Variants in PRSS36 observed in about 807,000 individuals in gnomAD.
The protein encoded by PRSS36 is serine protease 36, also known as polyserase-2.
Under a neutral mutation model 94.3 loss-of-function variants are expected in PRSS36, and 90 were observed. That is an observed-to-expected ratio of 0.95 (90% CI 0.80 to 1.14). PRSS36 has a LOEUF of 1.14. Among genes scored for constraint, PRSS36 ranks in the 50% most tolerant of loss-of-function variants. PRSS36 has a pLI of 0.00. For synonymous variants in PRSS36, 500 were observed against 489.6 expected, an observed-to-expected ratio of 1.02 and a Z score of -0.28; for missense variants, 1,158 against 1,135.0, an observed-to-expected ratio of 1.02 and a Z score of -0.29.
chr16:31,149,177 G>T lies in PRSS36; in HGVS notation c.168C>A (p.Gly56=). The part of the protein sequence containing the change: ...RIVGGSNAQP[G]TWPWQVSLHH... ...GCAGGCTCACTTGCCAAGGCCAGGT[G>T]CCCGGCTGCGCGTTTGAGCCCCCCA... Residue 56 remains glycine (G), a synonymous_variant, in exon 4 of 15, where the codon GGC becomes GGA. Transcript: ENST00000268281. The T allele has an allele frequency of 3.8e-6, 6 of 1,572,126 alleles. No homozygotes were observed. The highest frequency in any genetic ancestry group is 5.2e-6 in the Non-Finnish European group (6 of 1,159,618).
chr16:31,139,379 T>C lies in PRSS36; in HGVS notation c.2327A>G (p.Glu776Gly), dbSNP rs778045590. Residue 776 changes from glutamate (E) to glycine (G), a missense_variant, in exon 15 of 15, where the codon GAA becomes GGA. Transcript: ENST00000268281. ...SAPPLLCQMT[E>G]GSWILVGMAV... ...CATGCCCACGAGGATCCAGGACCCT[T>C]CCGTCATCTGGCACAGGAGGGGCGG... 4.3e-6 allele frequency: 7 copies of C among 1,613,950 alleles called. No individual in the cohort carries two copies. Among genetic ancestry groups the C allele is most frequent in the Non-Finnish European group, 5.9e-6 (7 of 1,179,986 alleles).
intron 6 of PRSS36, among the ~76,000 whole-genome samples, 156 bp downstream of exon 6, chr16:31,145,633 T>C (rs1237531593): frequency 6.6e-6 from 1 of 152,188 alleles, no homozygotes. Context: ...AGTGAGGCTC[T>C]GTCTCAAAAT....
chr16:31,142,445 G>T (rs1404784820), intron 10 of PRSS36, 36 bp downstream of exon 10: 2 of 1,414,818 alleles, frequency 1.4e-6, no homozygotes, highest in Non-Finnish European at 1.8e-6. Context: ...AGCCCTCTCG[G>T]GCCCGCGTTC....
At position 31,142,724 on chromosome 16, in the gene PRSS36, G is replaced by A; in HGVS notation, c.1357+13C>T. 2 of 1,359,846 alleles carry A rather than the reference G, an allele frequency of 1.5e-6. No homozygotes were observed. The highest frequency in any genetic ancestry group is 1.9e-6 in the Non-Finnish European group (2 of 1,055,136). 84.2% of individuals were successfully genotyped at this position (1,359,846 alleles called of 1,614,324 possible). On this transcript the variant is annotated intron_variant, in intron 9 of 14. Coordinates refer to ENST00000268281, the MANE Select transcript of PRSS36 (RefSeq NM_173502.5). ...CCCGGTGCCGCCCGGCCCAGCGCCGGTCCCCAGCTCACCCCCGCGGCCCCA... is the reference window on the plus strand; with the variant it reads ...CCCGGTGCCGCCCGGCCCAGCGCCGATCCCCAGCTCACCCCCGCGGCCCCA...
In PRSS36 at chr16:31,141,450, G is replaced by GA. The variant is rs2057687125; in HGVS notation, c.1901+18_1901+19insT. 1 of 1,590,272 alleles carries GA rather than the reference G, an allele frequency of 6.3e-7. No individual in the cohort carries two copies. The highest frequency in any genetic ancestry group is 8.6e-7 in the Non-Finnish European group (1 of 1,166,610). ...ATTCTCCCCTCCCGTCTCTCGCCTA[G>GA]GAGACGAGTGAGACCCACCTGAGGA... On this transcript the variant is annotated intron_variant, in intron 12 of 14. Coordinates refer to ENST00000268281, the MANE Select transcript of PRSS36 (RefSeq NM_173502.5).
rs2057689803 is a variant in PRSS36, at chr16:31,141,541, G to A, written c.1829C>T (p.Ala610Val). ...LWPWLAEVHV[A>V]GDRVCTGILL... ...GATCCCAGTGCAGACTCGATCACCA[G>A]CCACATGCACCTCTGCCAGCCAGGG... Residue 610 changes from alanine to valine, a missense_variant, in exon 12 of 15, where the codon GCT becomes GTT. By Grantham distance (64) the Ala-to-Val change is moderately conservative. Coordinates refer to ENST00000268281, the MANE Select transcript of PRSS36 (RefSeq NM_173502.5). The A allele has an allele frequency of 1.2e-6, 2 of 1,613,204 alleles. No individual in the cohort carries two copies. The highest frequency in any genetic ancestry group is 1.7e-5 in the Admixed American group (1 of 59,998).
At position 31,140,773 on chromosome 16, in the gene PRSS36, C is replaced by A; in HGVS notation, c.1902-16G>T. 6.2e-7 allele frequency: 1 copy of A among 1,612,662 alleles called. No individual in the cohort carries two copies. The highest frequency in any genetic ancestry group is 1.1e-5 in the South Asian group (1 of 90,966). Reference sequence around the variant, plus strand: ...AGAGCCTGGCCTGTTGGAACAAGGTCCAATGTCACCTTCTGCTCCTCCCAT... The same window carrying A: ...AGAGCCTGGCCTGTTGGAACAAGGTACAATGTCACCTTCTGCTCCTCCCAT... On this transcript the variant is annotated splice_polypyrimidine_tract_variant and intron_variant, in intron 12 of 14. Coordinates refer to ENST00000268281, the MANE Select transcript of PRSS36 (RefSeq NM_173502.5).
Position 31,143,479 on chromosome 16 carries a change from G to C in PRSS36, c.971-8C>G, listed in dbSNP as rs889413378. 2 of 1,606,432 alleles carry C rather than the reference G, an allele frequency of 1.2e-6. No individual in the cohort carries two copies. Among genetic ancestry groups the C allele is most frequent in the South Asian group, 1.1e-5 (1 of 90,280 alleles). On this transcript the variant is annotated splice_region_variant and splice_polypyrimidine_tract_variant and intron_variant, in intron 7 of 14. Transcript: ENST00000268281. ...GCGGGGCCTTCCCGCACTCTGAGGG[G>C]TGAGAGGCCTGGGTCAGTGGGCCTC... is the stretch of plus-strand genomic sequence containing the variant.
In PRSS36 at chr16:31,139,134, C is replaced by T; in HGVS notation, c.*4G>A. 6.5e-7 allele frequency: 1 copy of T among 1,542,530 alleles called. No individual in the cohort carries two copies. The highest frequency in any genetic ancestry group is 8.8e-7 in the Non-Finnish European group (1 of 1,141,802). ...GGGGGAAGTGGTGCTGGGACCCTAGCCCCTCAGCTCTGGATCAGGAGAGTC... is the reference window on the plus strand; with the variant it reads ...GGGGGAAGTGGTGCTGGGACCCTAGTCCCTCAGCTCTGGATCAGGAGAGTC... On this transcript the variant is annotated 3_prime_UTR_variant, in exon 15 of 15. Coordinates refer to ENST00000268281, the MANE Select transcript of PRSS36 (RefSeq NM_173502.5).
Position 31,143,795 on chromosome 16 carries a change from A to G in PRSS36, c.763T>C (p.Trp255Arg), listed in dbSNP as rs141656570. The change falls in exon 7 of 15, where the codon TGG becomes CGG. Residue 255 changes from tryptophan to arginine, a missense_variant. Coordinates refer to ENST00000268281, the MANE Select transcript of PRSS36 (RefSeq NM_173502.5). ...AAGCTGGTGATTCCTGCCTGGAACC[A>G]GCGGCCGCCTTCCTCACAGACCAGG... ...GPLVCEEGGR[W>R]FQAGITSFGF... 13 of 1,613,882 alleles carry G rather than the reference A, an allele frequency of 8.1e-6. No individual in the cohort carries two copies. The highest frequency in any genetic ancestry group is 1.1e-5 in the Non-Finnish European group (13 of 1,180,042).
In PRSS36 at chr16:31,143,396, T is replaced by TG; in HGVS notation, c.1045dup (p.His349ProfsTer7). 6.2e-7 allele frequency: 1 copy of TG among 1,612,778 alleles called. No individual in the cohort carries two copies. The highest frequency in any genetic ancestry group is 8.5e-7 in the Non-Finnish European group (1 of 1,179,610). The stretch of plus-strand genomic sequence containing the variant: ...CCAGCTTTCAGACACCAGCGCCCCA[T>TG]GGCAGGGTCTGGATCCTGGCACCAT... On this transcript the variant is annotated frameshift_variant, in exon 8 of 15. Transcript: ENST00000268281. LOFTEE classifies it high-confidence loss of function.
intron 4 of PRSS36, 163 bp from the exon 5 acceptor site, chr16:31,148,838 TG>T (rs147315685): frequency 2.4e-5 from 24 of 1,016,072 alleles, no homozygotes; most frequent in Non-Finnish European, 3.1e-5. Flanking sequence ...GAGCTGGTGG[TG>T]GGGGGGTCAT....
intron 1 of PRSS36, 57 bp downstream of exon 1, chr16:31,149,942 G>T (rs1402540776): frequency 6.3e-6 from 10 of 1,594,630 alleles, no homozygotes; most frequent in Non-Finnish European, 8.6e-6. Context: ...CTGCTCTCCA[G>T]CCCCCCAGAT....
In PRSS36 at chr16:31,149,091, G is replaced by A. The variant is rs1380301581; in HGVS notation, c.254C>T (p.Ala85Val). 6.3e-6 allele frequency: 10 copies of A among 1,594,278 alleles called. No homozygotes were observed. Among genetic ancestry groups the A allele is most frequent in the Non-Finnish European group, 8.5e-6 (10 of 1,172,350 alleles). Residue 85 changes from alanine (A) to valine (V), a missense_variant, in exon 4 of 15, where the codon GCT (alanine) becomes GTT (valine). Transcript: ENST00000268281. ...TACTCACGTCATGAAACAGTGAGCA[G>A]CGGAGAGGACCCAGGAGGGGGCGAT... ...SLIAPSWVLS[A>V]AHCFMTNGTL... is the part of the protein sequence containing the mutation.
chr16:31,141,842 C>A lies in PRSS36; in HGVS notation c.1640G>T (p.Gly547Val). 6.2e-7 allele frequency: 1 copy of A among 1,614,186 alleles called. No homozygotes were observed. The highest frequency in any genetic ancestry group is 2.2e-5 in the East Asian group (1 of 44,886). Residue 547 changes from glycine (G) to valine (V), a missense_variant, in exon 11 of 15, where the codon GGC (glycine) becomes GTC (valine). Transcript: ENST00000268281. ...CCGAGTCACATGGCTGATCCATGGG[C>A]CATGAGTCTGCAGAGGGAAGAAGGC... Reference protein sequence around the residue: ...PRAFFPLQTHGPWISHVTRGA... With the variant: ...PRAFFPLQTHVPWISHVTRGA...
chr16:31,142,786 G>A lies in PRSS36; in HGVS notation c.1308C>T (p.His436=). The A allele has an allele frequency of 6.8e-7, 1 of 1,475,792 alleles. No individual in the cohort carries two copies. Among genetic ancestry groups the A allele is most frequent in the South Asian group, 1.3e-5 (1 of 75,098 alleles). The allele number at this position is 1,475,792 out of a possible 1,614,324, so 91.4% of individuals were successfully genotyped here. The change falls in exon 9 of 15, where the codon CAC becomes CAT. Residue 436 remains histidine (H), a synonymous_variant. Coordinates refer to ENST00000268281, the MANE Select transcript of PRSS36 (RefSeq NM_173502.5). The part of the protein sequence containing the change: ...SRPVCLPHPE[H]YFLPGSRCRL... Reference sequence around the variant, plus strand: ...GGCAGCGGCTCCCGGGCAGGAAGTAGTGTTCCGGGTGGGGTAGGCACACGG... The same window carrying A: ...GGCAGCGGCTCCCGGGCAGGAAGTAATGTTCCGGGTGGGGTAGGCACACGG...
At chr16:31,141,017 C>G (rs958124466) in intron 12 of PRSS36, among the ~76,000 whole-genome samples, 1 of 152,152 alleles carries the variant, frequency 6.6e-6, no homozygotes, top group Admixed American at 6.5e-5. Flanking sequence ...CTCTGCCCTC[C>G]CTGGGTTCAA....
Position 31,148,492 on chromosome 16 carries a change from G to T in PRSS36, c.456C>A (p.Gly152=). The change falls in exon 5 of 15, where the codon GGC becomes GGA. Residue 152 remains glycine (G), a synonymous_variant. Coordinates refer to ENST00000268281, the MANE Select transcript of PRSS36 (RefSeq NM_173502.5). ...GCAGGCAGACAGGCCACACGGCGGG[G>T]CCCAGGCTGGCGGGTGAGGCCAGGC... is the stretch of plus-strand genomic sequence containing the variant. ...LLRLASPASL[G]PAVWPVCLPR... is the part of the protein sequence containing the mutation. 1.3e-6 allele frequency: 2 copies of T among 1,578,880 alleles called. No homozygotes were observed. The highest frequency in any genetic ancestry group is 1.1e-5 in the South Asian group (1 of 88,800).
chr16:31,144,246 C>T (rs1390095488), intron 6 of PRSS36, among the ~76,000 whole-genome samples: 2 of 152,128 alleles, frequency 1.3e-5, no homozygotes, highest in Non-Finnish European at 2.9e-5. Context: ...GCAACCTCAG[C>T]CCACTGCAAC....
Sources: allele counts gnomAD v4.1 joint callset (sites outside exome capture counted in the v4.1 genomes callset), GRCh38; gene constraint gnomAD v4.1.1; transcripts MANE v1.5; gene names NCBI Gene and HGNC (gene_info 2026-07-23, HGNC 2026-07-21).